The following RPSA2 variants were observed in gnomAD, a reference collection of about 807,000 sequenced individuals.
RPSA2 encodes the protein ribosomal protein SA 2.
the RPSA2 span, among the ~76,000 whole-genome samples, chr19:23,855,101 C>T: frequency 6.6e-6 from 1 of 152,116 alleles, no homozygotes; most frequent in Non-Finnish European, 1.5e-5. Context: ...TAATTTATCC[C>T]AAGCTCTCAT....
At chr19:23,865,015 T>C in the RPSA2 span, among the ~76,000 whole-genome samples, 2 of 152,184 alleles carry the variant, frequency 1.3e-5, no homozygotes, top group Admixed American at 1.3e-4. Flanking sequence ...TCTTTATTCC[T>C]GCATTTATCC....
chr19:23,832,002 G>C, the RPSA2 span: 1 of 408,990 alleles, frequency 2.4e-6, no homozygotes, highest in Non-Finnish European at 5.0e-6. Flanking sequence ...CCTTTAATTG[G>C]TCCTCAATCC....
At chr19:23,862,204 T>C in the RPSA2 span, among the ~76,000 whole-genome samples, 1 of 152,306 alleles carries the variant, frequency 6.6e-6, no homozygotes, top group South Asian at 2.1e-4. Context: ...ATAGGAATGC[T>C]TGTGATTTTT....
chr19:23,845,676 A>T, the RPSA2 span, among the ~76,000 whole-genome samples: 1 of 152,054 alleles, frequency 6.6e-6, no homozygotes, highest in Non-Finnish European at 1.5e-5. Flanking sequence ...TTTTTTTTGT[A>T]GCAATGCGGT....
At chr19:23,789,315 A>G in the RPSA2 span, among the ~76,000 whole-genome samples, 1 of 152,278 alleles carries the variant, frequency 6.6e-6, no homozygotes, top group East Asian at 1.9e-4. Flanking sequence ...TGCCACCAGC[A>G]GCCATCTTAT....
At chr19:23,835,172 A>G in the RPSA2 span, among the ~76,000 whole-genome samples, 1 of 151,320 alleles carries the variant, frequency 6.6e-6, no homozygotes, top group East Asian at 1.9e-4. Flanking sequence ...TGTAAAATCC[A>G]TACATTTCTG....
chr19:23,832,534 T>C, the RPSA2 span: 3 of 719,100 alleles, frequency 4.2e-6, no homozygotes, highest in Non-Finnish European at 2.1e-6. Context: ...AGATAATTCA[T>C]ACTGAAAAGA....
the RPSA2 span, among the ~76,000 whole-genome samples, chr19:23,844,614 T>A: frequency 6.6e-6 from 1 of 152,106 alleles, no homozygotes; most frequent in Non-Finnish European, 1.5e-5. Flanking sequence ...GCAAATATGT[T>A]CTTTTATTCT....
the RPSA2 span, among the ~76,000 whole-genome samples, chr19:23,778,929 G>GC: frequency 6.8e-6 from 1 of 147,440 alleles, no homozygotes; most frequent in East Asian, 2.0e-4. Context: ...ATATTTCTGA[G>GC]CCCCTCATTT....
the RPSA2 span, among the ~76,000 whole-genome samples, chr19:23,841,021 T>C: frequency 6.7e-6 from 1 of 150,296 alleles, no homozygotes; most frequent in Non-Finnish European, 1.5e-5. Flanking sequence ...CCTTGAACTT[T>C]ACATAAAACA....
chr19:23,806,090 G>GGAGTGAAGTGGCATGATCA, the RPSA2 span, among the ~76,000 whole-genome samples: 1 of 146,132 alleles, frequency 6.8e-6, no homozygotes, highest in African/African-American at 2.5e-5. Context: ...TGTCGTCCCC[G>GGAGTGAAGTGGCATGATCA]CTGGAGTGAA....
chr19:23,782,883 A>G, the RPSA2 span, among the ~76,000 whole-genome samples: 14 of 151,906 alleles, frequency 9.2e-5, no homozygotes, highest in Non-Finnish European at 1.8e-4. Context: ...TAGGCTTCTC[A>G]CCTAGGTAAT....
At chr19:23,862,274 T>C in the RPSA2 span, among the ~76,000 whole-genome samples, 1 of 151,906 alleles carries the variant, frequency 6.6e-6, no homozygotes, top group Non-Finnish European at 1.5e-5. Context: ...AAGGAGATTT[T>C]GGGCTGAGAC....
chr19:23,854,285 C>A, the RPSA2 span, among the ~76,000 whole-genome samples: 1,040 of 152,248 alleles, frequency 6.8e-3, 1 homozygote, highest in Non-Finnish European at 0.01. Context: ...GCCAGTGACC[C>A]CCGTGGGGAC....
the RPSA2 span, among the ~76,000 whole-genome samples, chr19:23,835,624 T>G: frequency 0.54 from 81,296 of 151,894 alleles, 22,037 homozygotes; most frequent in Admixed American, 0.62. Flanking sequence ...AGTTTTTTTT[T>G]TTGTTGTTGT....
chr19:23,867,555 G>A, the RPSA2 span, among the ~76,000 whole-genome samples: 7,313 of 152,274 alleles, frequency 0.048, 320 homozygotes, highest in South Asian at 0.079. Context: ...CTGGGGCCGG[G>A]TGCGGTGGCT....
the RPSA2 span, among the ~76,000 whole-genome samples, chr19:23,838,304 G>GTTT: frequency 6.6e-6 from 1 of 151,510 alleles, no homozygotes; most frequent in South Asian, 2.1e-4. Context: ...CTTGATCATG[G>GTTT]ATTATCTTTT....
the RPSA2 span, among the ~76,000 whole-genome samples, chr19:23,848,250 G>A: frequency 1.3e-5 from 2 of 152,268 alleles, no homozygotes; most frequent in East Asian, 3.9e-4. Flanking sequence ...GCTCCAGCCG[G>A]TCCCTCCGTT....
chr19:23,773,351 T>G, the RPSA2 span, among the ~76,000 whole-genome samples: 1 of 151,762 alleles, frequency 6.6e-6, no homozygotes, highest in East Asian at 1.9e-4. Context: ...TGGCGTGATC[T>G]CAGCTCACTG....
Sources: allele counts gnomAD v4.1 joint callset (sites outside exome capture counted in the v4.1 genomes callset), GRCh38; gene constraint gnomAD v4.1.1; transcripts MANE v1.5; gene names NCBI Gene and HGNC (gene_info 2026-07-23, HGNC 2026-07-21).